COL4A1: variants seen among roughly 807,000 people sequenced by gnomAD.
COL4A1 encodes collagen type IV alpha 1 chain, also known as collagen alpha-1(IV) chain.
COL4A1 carries 40 observed loss-of-function variants against 216.6 expected under a neutral mutation model. That is an observed-to-expected ratio of 0.18 (90% CI 0.14 to 0.24). The LOEUF is 0.24. Ranked by LOEUF, COL4A1 falls within the 10% of genes least tolerant of loss-of-function variation. The probability of loss-of-function intolerance (pLI) is 1.00; values close to 1 mark genes in which losing one functional copy is unlikely to be tolerated. For missense variants in COL4A1, 1,628 were observed against 2,196.8 expected (o/e 0.74, Z 5.18); for synonymous variants, 839 against 810.7 (o/e 1.03, Z -0.59).
intron 1 of COL4A1, among the ~76,000 whole-genome samples, chr13:110,288,762 G>C (rs1270131469): frequency 6.6e-6 from 1 of 152,154 alleles, no homozygotes; most frequent in Non-Finnish European, 1.5e-5. Flanking sequence ...GGCCAGGCGC[G>C]GTGGCTCACG....
intron 2 of COL4A1, among the ~76,000 whole-genome samples, chr13:110,230,416 C>G (rs1020546673): frequency 4.6e-5 from 7 of 151,740 alleles, no homozygotes; most frequent in African/African-American, 1.7e-4. Flanking sequence ...GTCGTGACAC[C>G]CTGGAAAATC....
chr13:110,271,307 T>C (rs552406209), intron 1 of COL4A1, among the ~76,000 whole-genome samples: 2 of 152,254 alleles, frequency 1.3e-5, no homozygotes, highest in African/African-American at 4.8e-5. Context: ...AAGCAAGATA[T>C]TCATACTGTG....
intron 2 of COL4A1, among the ~76,000 whole-genome samples, chr13:110,230,142 G>A (rs61963280): frequency 0.23 from 9,946 of 42,462 alleles, 419 homozygotes; most frequent in Admixed American, 0.34. Context: ...GGAGGGCTGG[G>A]AGGTTCCTGA....
At chr13:110,230,081 GC>G (rs1333333839) in intron 2 of COL4A1, among the ~76,000 whole-genome samples, 2 of 151,960 alleles carry the variant, frequency 1.3e-5, no homozygotes, top group Non-Finnish European at 2.9e-5. Context: ...GCAGAACCAA[GC>G]CCAAAACAGG....
At chr13:110,281,002 C>T (rs939332516) in intron 1 of COL4A1, among the ~76,000 whole-genome samples, 1 of 152,178 alleles carries the variant, frequency 6.6e-6, no homozygotes, top group Non-Finnish European at 1.5e-5. Context: ...GGCTTTTCTC[C>T]TCACCCCAAC....
chr13:110,293,076 C>G (rs1884148762), intron 1 of COL4A1, among the ~76,000 whole-genome samples: 1 of 152,226 alleles, frequency 6.6e-6, no homozygotes. Context: ...TCTCTTTCAA[C>G]TAGTGATAAA....
At chr13:110,248,548 C>T (rs562445520) in intron 1 of COL4A1, among the ~76,000 whole-genome samples, 2 of 151,966 alleles carry the variant, frequency 1.3e-5, no homozygotes, top group African/African-American at 4.8e-5. Context: ...CTGGAGTGCA[C>T]TGGCGCGACG....
intron 45 of COL4A1, among the ~76,000 whole-genome samples, chr13:110,165,388 C>T (rs572790557): frequency 1.3e-3 from 205 of 152,286 alleles, no homozygotes; most frequent in African/African-American, 4.1e-3. Flanking sequence ...TCATCTGAAA[C>T]CTGCCTTACT....
In COL4A1 at chr13:110,161,172, C is replaced by T. The variant is rs1353479969; in HGVS notation, c.4640+20G>A. The T allele has an allele frequency of 6.2e-7, 1 of 1,612,734 alleles. No homozygotes were observed. The highest frequency in any genetic ancestry group is 1.1e-5 in the South Asian group (1 of 91,024). ...TTTCCTCTTCAATTTTGCATTTGTT[C>T]CTACAGATGCTCGACTCACCTACTA... On this transcript the variant is annotated intron_variant, in intron 49 of 51. Transcript: ENST00000375820.
chr13:110,188,883 C>T (rs1274274858), intron 24 of COL4A1, among the ~76,000 whole-genome samples: 5 of 152,186 alleles, frequency 3.3e-5, no homozygotes, highest in East Asian at 1.9e-4. Context: ...ATACCAACCA[C>T]GATGCACTGA....
At chr13:110,222,044 T>C (rs890930395) in intron 2 of COL4A1, among the ~76,000 whole-genome samples, 5 of 152,168 alleles carry the variant, frequency 3.3e-5, no homozygotes, top group African/African-American at 4.8e-5. Context: ...CAAATGCCCA[T>C]GTGAAGGGCC....
chr13:110,295,866 A>C (rs1411765107), intron 1 of COL4A1, among the ~76,000 whole-genome samples: 2 of 152,240 alleles, frequency 1.3e-5, no homozygotes, highest in African/African-American at 4.8e-5. Context: ...AGGCAGCCAG[A>C]GATGCAACCC....
intron 1 of COL4A1, among the ~76,000 whole-genome samples, chr13:110,267,103 C>T (rs1226847895): frequency 6.6e-6 from 1 of 152,140 alleles, no homozygotes; most frequent in Admixed American, 6.5e-5. Flanking sequence ...AAACCCACAG[C>T]GAGGGCAGCG....
At chr13:110,293,704 C>G (rs1884169987) in intron 1 of COL4A1, among the ~76,000 whole-genome samples, 1 of 152,162 alleles carries the variant, frequency 6.6e-6, no homozygotes, top group African/African-American at 2.4e-5. Context: ...AATTAAGGAC[C>G]ATTTCTAGAA....
In COL4A1 at chr13:110,155,377, G is replaced by A. The variant is rs1434738703; in HGVS notation, c.4661C>T (p.Pro1554Leu). The change falls in exon 50 of 52, where the codon CCT becomes CTT. Residue 1554 changes from proline (P) to leucine (L), a missense_variant. By Grantham distance (98) the Pro-to-Leu change is moderately conservative. Around this residue, in one of 8 missense-constraint regions of COL4A1, gnomAD observed 254 missense variants for 300.1 expected, o/e 0.85. Coordinates refer to ENST00000375820, the MANE Select transcript of COL4A1 (RefSeq NM_001845.6). Reference protein sequence around the residue: ...FISRCAVCEAPAMVMAVHSQT... With the variant: ...FISRCAVCEALAMVMAVHSQT... ...GCTGTGCACGGCCATCACCATGGCA[G>A]GCGCCTCACACACAGCACACCTGGA... is the stretch of plus-strand genomic sequence containing the variant. 1 of 1,614,136 alleles carries A rather than the reference G, an allele frequency of 6.2e-7. No homozygotes were observed. The highest frequency in any genetic ancestry group is 1.1e-5 in the South Asian group (1 of 91,080).
intron 1 of COL4A1, among the ~76,000 whole-genome samples, chr13:110,260,628 C>T (rs965057595): frequency 1.3e-5 from 2 of 152,172 alleles, no homozygotes; most frequent in African/African-American, 4.8e-5. Context: ...TACAGTATGA[C>T]ATTTTTTTTC....
At chr13:110,155,214 A>T in intron 50 of COL4A1, 69 bp downstream of exon 50, 1 of 1,146,744 alleles carries the variant, frequency 8.7e-7, no homozygotes, top group Non-Finnish European at 1.3e-6. Flanking sequence ...TGGAGGCACC[A>T]GACAGAGGCG....
rs973027770 is a variant in COL4A1 at position 110,152,342 on chromosome 13, C to T, written c.4920G>A (p.Glu1640=). Residue 1640 remains glutamate, a synonymous_variant, in exon 51 of 52, where the codon GAG becomes GAA. Coordinates refer to ENST00000375820, the MANE Select transcript of COL4A1 (RefSeq NM_001845.6). ...SFWLATIERS[E]MFKKPTPSTL... The stretch of plus-strand genomic sequence containing the variant: ...GCAGTGCTCCCACTTACTTGAACAT[C>T]TCGCTCCTCTCTATGGTGGCGAGCC... 6.2e-7 allele frequency: 1 copy of T among 1,614,170 alleles called. No homozygotes were observed. Among genetic ancestry groups the T allele is most frequent in the Admixed American group, 1.7e-5 (1 of 60,032 alleles).
In COL4A1 at chr13:110,179,278, C is replaced by A. The variant is rs765435202; in HGVS notation, c.2337G>T (p.Gly779=). Residue 779 remains glycine, a synonymous_variant, in exon 30 of 52, where the codon GGG becomes GGT. Transcript: ENST00000375820. ...TGATCTGCATGAAGTTACCTCTGAT[C>A]CCCTGAAGCCCAGGGGGTCCGATCG... The part of the protein sequence containing the change: ...HGAIGPPGLQ[G]IRGEPGPPGL... 6.2e-7 allele frequency: 1 copy of A among 1,614,066 alleles called. No individual in the cohort carries two copies. The highest frequency in any genetic ancestry group is 1.7e-5 in the Admixed American group (1 of 60,004).
Sources: gnomAD v4.1 joint callset for allele counts (sites outside exome capture counted in the v4.1 genomes callset) on GRCh38, gnomAD v4.1.1 for gene constraint, gnomAD v4.1.1 regional missense constraint, MANE v1.5 for transcripts, NCBI Gene and HGNC (gene_info 2026-07-23, HGNC 2026-07-21) for gene names.